Variants in FGF13 observed in about 807,000 individuals in gnomAD.
FGF13 encodes fibroblast growth factor 13.
Under a neutral mutation model 19.5 loss-of-function variants are expected in FGF13, and 2 were observed. The observed-to-expected ratio is 0.10, with a 90% CI of 0.04 to 0.32. The LOEUF (loss-of-function observed/expected upper bound fraction) is 0.32. Ranked by LOEUF, FGF13 falls within the 10% of genes least tolerant of loss-of-function variation. The pLI, the probability that FGF13 is intolerant of heterozygous loss-of-function variation, is 1.00. For synonymous variants in FGF13, 72 were observed against 76.9 expected (o/e 0.94, Z 0.33); for missense variants, 113 against 192.7 (o/e 0.59, Z 2.45).
chrX:138,700,808 T>C (rs1265911652), intron 3 of FGF13, among the ~76,000 whole-genome samples: 2 of 111,848 alleles, frequency 1.8e-5, no homozygotes, highest in African/African-American at 6.5e-5. Flanking sequence ...TAATAGGAAA[T>C]ACATACAAGA....
intron 1 of FGF13, among the ~76,000 whole-genome samples, chrX:138,888,713 T>A (rs988561950): frequency 2.7e-5 from 3 of 110,156 alleles, no homozygotes; most frequent in Non-Finnish European, 5.7e-5. Flanking sequence ...AAAAAAAAAA[T>A]TCCACCTGCT....
chrX:139,171,844 A>G (rs1032695607), intron 1 of FGF13, among the ~76,000 whole-genome samples: 3 of 112,063 alleles, frequency 2.7e-5, no homozygotes, highest in African/African-American at 6.5e-5. Flanking sequence ...CAAGAAAACA[A>G]TGGATTATCT....
chrX:138,839,989 G>T (rs1284765955), intron 3 of FGF13, among the ~76,000 whole-genome samples: 1 of 111,863 alleles, frequency 8.9e-6, no homozygotes, highest in Non-Finnish European at 1.9e-5. Flanking sequence ...AACTTGAGGT[G>T]ATATCTGGCC....
intron 1 of FGF13, among the ~76,000 whole-genome samples, chrX:139,085,017 G>A (rs2124444064): frequency 9.0e-6 from 1 of 111,532 alleles, no homozygotes; most frequent in Non-Finnish European, 1.9e-5. Context: ...GATCCAGCAT[G>A]ACAAGAACTA....
intron 1 of FGF13, among the ~76,000 whole-genome samples, chrX:138,906,900 C>A: frequency 9.0e-6 from 1 of 111,574 alleles, no homozygotes; most frequent in Non-Finnish European, 1.9e-5. Context: ...TGTAGCCCAG[C>A]TAAAAAATCT....
chrX:138,937,722 G>A (rs1251317271), intron 1 of FGF13, among the ~76,000 whole-genome samples: 2 of 112,053 alleles, frequency 1.8e-5, no homozygotes, highest in Non-Finnish European at 3.8e-5. Context: ...TGTGGAAAGA[G>A]TAACTCTAGG....
intron 1 of FGF13, among the ~76,000 whole-genome samples, chrX:139,000,719 T>C (rs1489314987): frequency 8.9e-6 from 1 of 112,158 alleles, no homozygotes; most frequent in African/African-American, 3.2e-5. Context: ...TCCATGCTCA[T>C]GGATAGGAAG....
intron 1 of FGF13, among the ~76,000 whole-genome samples, chrX:138,951,281 C>A (rs371888744): frequency 5.4e-5 from 6 of 111,670 alleles, no homozygotes; most frequent in African/African-American, 1.9e-4. Flanking sequence ...TAAGGCAAAG[C>A]CAGATGCATG....
intron 1 of FGF13, among the ~76,000 whole-genome samples, chrX:138,930,687 C>T (rs961977590): frequency 1.8e-5 from 2 of 112,125 alleles, no homozygotes; most frequent in African/African-American, 6.5e-5. Flanking sequence ...AGTTATATGG[C>T]GGCTTAGTAG....
At chrX:139,040,024 GGC>G (rs1450884728) in intron 1 of FGF13, among the ~76,000 whole-genome samples, 3 of 112,081 alleles carry the variant, frequency 2.7e-5, no homozygotes, top group Admixed American at 9.4e-5. Context: ...TTAATAGTAT[GGC>G]CTGAGAGAAC....
chrX:138,901,172 T>C (rs1268227027), intron 1 of FGF13, among the ~76,000 whole-genome samples: 1 of 112,307 alleles, frequency 8.9e-6, no homozygotes, highest in Non-Finnish European at 1.9e-5. Flanking sequence ...CTCAGCATAT[T>C]TTCTGGCACA....
At chrX:139,076,325 T>A (rs1409142983) in intron 1 of FGF13, among the ~76,000 whole-genome samples, 1 of 112,127 alleles carries the variant, frequency 8.9e-6, no homozygotes, top group Non-Finnish European at 1.9e-5. Flanking sequence ...CATGGTCAAA[T>A]AAAATCCATG....
At chrX:139,102,725 G>A (rs922394560) in intron 1 of FGF13, among the ~76,000 whole-genome samples, 1 of 112,373 alleles carries the variant, frequency 8.9e-6, no homozygotes, top group African/African-American at 3.2e-5. Flanking sequence ...CCATCTCATT[G>A]TGCAGCCCCA....
At chrX:138,842,114 A>C (rs2091153269) in intron 3 of FGF13, among the ~76,000 whole-genome samples, 1 of 112,469 alleles carries the variant, frequency 8.9e-6, no homozygotes, top group African/African-American at 3.2e-5. Context: ...ACTGAGCAGA[A>C]GCCTTCTAAA....
At chrX:138,992,357 T>C (rs1051487975) in intron 1 of FGF13, among the ~76,000 whole-genome samples, 2 of 111,789 alleles carry the variant, frequency 1.8e-5, no homozygotes, top group Non-Finnish European at 3.8e-5. Context: ...CAATATTTTA[T>C]GTATTTAGTT....
intron 3 of FGF13, among the ~76,000 whole-genome samples, chrX:138,789,120 T>A (rs914924852): frequency 4.5e-5 from 5 of 111,979 alleles, no homozygotes; most frequent in African/African-American, 1.6e-4. Context: ...GAATGGCCTT[T>A]ATTCATATTT....
At position 138,795,069 on chromosome X, in the gene FGF13, C is replaced by T. The variant is rs560889127; in HGVS notation, c.217+62443G>A. ...AGAGTATAGGAGGGGTCAAGTTATT[C>T]GCTCAAGAAGCTAAACTGTAGGTGG... On this transcript the variant is annotated intron_variant, in intron 3 of 6. Coordinates refer to the FGF13 transcript ENST00000436198. Among the ~76,000 whole-genome samples the T allele has an allele frequency of 2.4e-4, 27 of 111,617 alleles. 2 individuals are homozygous for T. In the South Asian group the frequency reaches 0.01, roughly 42 times the overall value.
Position 138,614,944 on chromosome X carries a change from A to G in FGF13, c.*17906T>C, listed in dbSNP as rs1042018084. 8.0e-5 allele frequency: 9 copies of G among 112,335 alleles called. No individual in the cohort carries two copies. Among genetic ancestry groups the G allele is most frequent in the Non-Finnish European group, 1.1e-4 (6 of 53,265 alleles). The allele number at this position is 112,335 out of a possible 1,213,427, so 9.3% of individuals were successfully genotyped here. A position where few individuals can be genotyped will look rare whatever the true frequency, so the allele number is the denominator to read the frequency against. ...AAAAGCCAATCTCTATGTGTTATAT[A>G]CTGTATGATGACATTTATATAACAA... On this transcript the variant is annotated 3_prime_UTR_variant, in exon 5 of 5. Coordinates refer to ENST00000315930, the MANE Select transcript of FGF13 (RefSeq NM_004114.5).
intron 1 of FGF13, among the ~76,000 whole-genome samples, chrX:138,905,066 G>T (rs776611447): frequency 9.0e-6 from 1 of 111,593 alleles, no homozygotes; most frequent in South Asian, 3.8e-4. Flanking sequence ...AAGAAATCTG[G>T]CAGTGGTCTG....
Sources: allele counts gnomAD v4.1 joint callset (sites outside exome capture counted in the v4.1 genomes callset), GRCh38; gene constraint gnomAD v4.1.1; transcripts MANE v1.5; gene names NCBI Gene and HGNC (gene_info 2026-07-23, HGNC 2026-07-21).